CERS3: variants seen among roughly 807,000 people sequenced by gnomAD.
The protein encoded by CERS3 is LAG1 homolog, ceramide synthase 3.
CERS3 carries 33 observed loss-of-function variants against 50.3 expected under a neutral mutation model. The observed-to-expected ratio is 0.66, with a 90% CI of 0.50 to 0.88. The LOEUF (loss-of-function observed/expected upper bound fraction) is 0.88, where lower values mean the gene tolerates loss of function less well. Ranked by LOEUF, CERS3 falls within the 40% of genes least tolerant of loss-of-function variation. The pLI, the probability that CERS3 is intolerant of heterozygous loss-of-function variation, is 0.00. For missense variants in CERS3, 470 were observed against 460.3 expected (o/e 1.02, Z -0.19); for synonymous variants, 176 against 155.2 (o/e 1.13, Z -0.99).
intron 10 of CERS3, among the ~76,000 whole-genome samples, chr15:100,464,357 C>T (rs2034645544): frequency 6.6e-6 from 1 of 152,202 alleles, no homozygotes; most frequent in Non-Finnish European, 1.5e-5. Context: ...TCCTGAAAGG[C>T]ATGAGCTGGG....
intron 11 of CERS3, among the ~76,000 whole-genome samples, chr15:100,427,347 A>G (rs2032872652): frequency 6.6e-6 from 1 of 152,206 alleles, no homozygotes; most frequent in African/African-American, 2.4e-5. Context: ...TAAACAAAAT[A>G]TGACTTGTTC....
chr15:100,480,034 T>C lies in CERS3; in HGVS notation c.420A>G (p.Ala140=). The part of the protein sequence containing the change: ...KKFQEACWRF[A]FYLMITVAGI... Reference sequence around the variant, plus strand: ...CAGCAACAGTGATCATTAAGTAAAATGCAAATCTCCAGCTGCCAAAAGAAA... The same window carrying C: ...CAGCAACAGTGATCATTAAGTAAAACGCAAATCTCCAGCTGCCAAAAGAAA... Residue 140 remains alanine (A), a synonymous_variant, in exon 6 of 12, where the codon GCA becomes GCG. Coordinates refer to ENST00000679737, the MANE Select transcript of CERS3 (RefSeq NM_001378789.1). 3.7e-6 allele frequency: 6 copies of C among 1,611,132 alleles called. No homozygotes were observed. Among genetic ancestry groups the C allele is most frequent in the Non-Finnish European group, 5.1e-6 (6 of 1,178,720 alleles).
At chr15:100,519,089 G>A (rs1459467844) in intron 2 of CERS3, among the ~76,000 whole-genome samples, 2 of 152,064 alleles carry the variant, frequency 1.3e-5, no homozygotes, top group Non-Finnish European at 2.9e-5. Context: ...AACCCGGAAG[G>A]CGGAGGTTGC....
At chr15:100,517,331 G>A (rs1302228930) in intron 2 of CERS3, among the ~76,000 whole-genome samples, 4 of 152,182 alleles carry the variant, frequency 2.6e-5, no homozygotes, top group African/African-American at 9.7e-5. Flanking sequence ...GCCTCCAAGT[G>A]GTACGATGGC....
chr15:100,508,701 A>G (rs1169333572), intron 2 of CERS3, among the ~76,000 whole-genome samples: 1 of 152,106 alleles, frequency 6.6e-6, no homozygotes, highest in Non-Finnish European at 1.5e-5. Context: ...CAATTCTAGC[A>G]ATTTCTGGCA....
chr15:100,510,807 G>A (rs1007404233), intron 2 of CERS3, among the ~76,000 whole-genome samples: 1 of 152,208 alleles, frequency 6.6e-6, no homozygotes, highest in Non-Finnish European at 1.5e-5. Context: ...ATTCATGTCT[G>A]TACTGTTACA....
rs2036012742 is a variant in CERS3 at position 100,501,846 on chromosome 15, A to G, written c.4T>C (p.Phe2Leu). The G allele has an allele frequency of 6.2e-7, 1 of 1,613,922 alleles. No homozygotes were observed. The highest frequency in any genetic ancestry group is 8.5e-7 in the Non-Finnish European group (1 of 1,179,908). Residue 2 changes from phenylalanine to leucine, a missense_variant, in exon 3 of 12, where the codon TTT (phenylalanine) becomes CTT (leucine). Coordinates refer to ENST00000679737, the MANE Select transcript of CERS3 (RefSeq NM_001378789.1). ...CAGAACCATTCTTTAAACGTCCAAA[A>G]CATTCTAGAGAAATGGAAACAGACA... M[F>L]WTFKEWFWLE... is the part of the protein sequence containing the mutation.
At chr15:100,410,487 T>G (rs2031397878) in intron 11 of CERS3, among the ~76,000 whole-genome samples, 1 of 152,148 alleles carries the variant, frequency 6.6e-6, no homozygotes, top group South Asian at 2.1e-4. Flanking sequence ...CTTCCCCTGA[T>G]TAAAGTTGGA....
chr15:100,540,169 T>C (rs2037165755), intron 1 of CERS3, among the ~76,000 whole-genome samples: 1 of 152,192 alleles, frequency 6.6e-6, no homozygotes, highest in East Asian at 1.9e-4. Context: ...CTATGATCAC[T>C]CTGACCTTGG....
Position 100,490,863 on chromosome 15 carries a change from G to C in CERS3, c.242C>G (p.Thr81Ser), listed in dbSNP as rs199905282. Residue 81 changes from threonine to serine, a missense_variant, in exon 4 of 12, where the codon ACT becomes AGT. By Grantham distance (58) the Thr-to-Ser change is moderately conservative. Coordinates refer to ENST00000679737, the MANE Select transcript of CERS3 (RefSeq NM_001378789.1). ...KETVRKVTPN[T>S]VLENFFKHST... is the part of the protein sequence containing the mutation. Reference sequence around the variant, plus strand: ...ATGTTTGAAAAAATTCTCTAAGACAGTATTTGGTGTAACCTTTCGAACTGT... The same window carrying C: ...ATGTTTGAAAAAATTCTCTAAGACACTATTTGGTGTAACCTTTCGAACTGT... 1.2e-6 allele frequency: 2 copies of C among 1,612,470 alleles called. No individual in the cohort carries two copies. Among genetic ancestry groups the C allele is most frequent in the East Asian group, 2.2e-5 (1 of 44,728 alleles).
intron 5 of CERS3, among the ~76,000 whole-genome samples, chr15:100,481,386 CA>C (rs2035295982): frequency 6.6e-6 from 1 of 152,160 alleles, no homozygotes; most frequent in Non-Finnish European, 1.5e-5. Flanking sequence ...AGACATTTTA[CA>C]AAATGAAAGT....
At chr15:100,445,927 T>A (rs2142167709) in intron 11 of CERS3, among the ~76,000 whole-genome samples, 1 of 152,334 alleles carries the variant, frequency 6.6e-6, no homozygotes, top group Non-Finnish European at 1.5e-5. Flanking sequence ...GGCCTGTTCC[T>A]GCCTTAACGA....
At chr15:100,538,192 T>C (rs1270891111) in intron 1 of CERS3, among the ~76,000 whole-genome samples, 1 of 152,182 alleles carries the variant, frequency 6.6e-6, no homozygotes, top group Non-Finnish European at 1.5e-5. Flanking sequence ...CTCCCAGCTG[T>C]TTTCACAGGC....
chr15:100,518,927 G>A (rs887120901), intron 2 of CERS3, among the ~76,000 whole-genome samples: 5 of 152,186 alleles, frequency 3.3e-5, no homozygotes, highest in African/African-American at 1.2e-4. Flanking sequence ...ACTTTGGGAG[G>A]CCAAGGCAGG....
intron 6 of CERS3, 44 bp from the exon 7 acceptor site, chr15:100,479,522 T>C (rs906282969): frequency 2.0e-6 from 3 of 1,518,000 alleles, no homozygotes; most frequent in South Asian, 1.2e-5. Flanking sequence ...GAGAAATAAA[T>C]TGGTCGGTGT....
At chr15:100,483,000 AT>A in intron 5 of CERS3, among the ~76,000 whole-genome samples, 1 of 152,342 alleles carries the variant, frequency 6.6e-6, no homozygotes, top group East Asian at 1.9e-4. Flanking sequence ...TAAGGCTTAA[AT>A]TTTATTCATG....
chr15:100,453,941 C>G (rs2034265496), intron 11 of CERS3, among the ~76,000 whole-genome samples: 1 of 152,082 alleles, frequency 6.6e-6, no homozygotes, highest in Admixed American at 6.6e-5. Flanking sequence ...GGTAAAAGAC[C>G]TCTACAAGGA....
chr15:100,521,935 G>A (rs2036651651), intron 1 of CERS3, among the ~76,000 whole-genome samples, 179 bp from the exon 2 acceptor site: 1 of 152,176 alleles, frequency 6.6e-6, no homozygotes, highest in African/African-American at 2.4e-5. Flanking sequence ...AAAACAATTT[G>A]AGCCAACACT....
chr15:100,453,249 C>T (rs1265637184), intron 11 of CERS3, among the ~76,000 whole-genome samples: 1 of 152,082 alleles, frequency 6.6e-6, no homozygotes, highest in African/African-American at 2.4e-5. Context: ...CAAAAATTCT[C>T]AACAAAATGC....
Sources: gnomAD v4.1 joint callset for allele counts (sites outside exome capture counted in the v4.1 genomes callset) on GRCh38, gnomAD v4.1.1 for gene constraint, MANE v1.5 for transcripts, NCBI Gene and HGNC (gene_info 2026-07-23, HGNC 2026-07-21) for gene names.